The following FUBP1 variants were observed in gnomAD, a reference collection of about 807,000 sequenced individuals.
The protein encoded by FUBP1 is far upstream element binding protein 1, also known as far upstream element-binding protein 1.
A neutral mutation model predicts 94.9 loss-of-function variants in FUBP1; 16 were observed. That is an observed-to-expected ratio of 0.17 (90% CI 0.11 to 0.26). The LOEUF (loss-of-function observed/expected upper bound fraction) is 0.26. Ranked by LOEUF, FUBP1 falls within the 10% of genes least tolerant of loss-of-function variation. The pLI is 1.00. For missense variants in FUBP1, 583 were observed against 808.6 expected (o/e 0.72, Z 3.38); for synonymous variants, 279 against 254.9 (o/e 1.09, Z -0.90).
chr1:77,979,086 T>C, upstream of FUBP1: 20 of 1,203,708 alleles, frequency 1.7e-5, no homozygotes, highest in Non-Finnish European at 2.0e-5. Context: ...ATGGCGGCCG[T>C]CGAAGCTCTA....
At chr1:77,974,004 C>T (rs879595832) in intron 1 of FUBP1, among the ~76,000 whole-genome samples, 6 of 152,044 alleles carry the variant, frequency 3.9e-5, no homozygotes, top group Non-Finnish European at 8.8e-5. Flanking sequence ...CTCACTTATG[C>T]AACTACATAA....
intron 1 of FUBP1, among the ~76,000 whole-genome samples, chr1:77,973,447 T>C (rs1657976823): frequency 6.6e-6 from 1 of 152,030 alleles, no homozygotes; most frequent in Non-Finnish European, 1.5e-5. Context: ...GGTTTCACCT[T>C]GTTGGCCAGG....
chr1:77,964,774 A>G, intron 9 of FUBP1, 27 bp from the exon 10 acceptor site: 1 of 1,542,164 alleles, frequency 6.5e-7, no homozygotes. Context: ...TAGCTAATTT[A>G]GAAAGCATGT....
intron 18 of FUBP1, among the ~76,000 whole-genome samples, chr1:77,953,216 G>A (rs558580710): frequency 9.7e-4 from 148 of 151,922 alleles, no homozygotes; most frequent in Non-Finnish European, 1.7e-3. Context: ...GAGGCTGGGT[G>A]CAGTGGCTCA....
Position 77,969,990 on chromosome 1 carries a change from G to C in FUBP1, c.146C>G (p.Ala49Gly), listed in dbSNP as rs2102454908. The stretch of plus-strand genomic sequence containing the variant: ...GTCATTTGAATTCAGTGATGTCCCT[G>C]CATCACCTCCAATTTTTGCTGCAAT... ...RQIAAKIGGDAGTSLNSNDYG... is the reference protein window; with the variant it reads ...RQIAAKIGGDGGTSLNSNDYG... The change falls in exon 2 of 20, where the codon GCA becomes GGA. Residue 49 changes from alanine (A) to glycine (G), a missense_variant. Physicochemically the swap from Ala to Gly is moderately conservative, Grantham distance 60. Transcript: ENST00000370768. 6.3e-7 allele frequency: 1 copy of C among 1,579,996 alleles called. No individual in the cohort carries two copies. Among genetic ancestry groups the C allele is most frequent in the South Asian group, 1.1e-5 (1 of 87,154 alleles).
At chr1:77,969,734 T>A (rs528403216) in intron 2 of FUBP1, among the ~76,000 whole-genome samples, 191 bp downstream of exon 2, 13 of 152,240 alleles carry the variant, frequency 8.5e-5, no homozygotes, top group East Asian at 1.9e-4. Context: ...AAAAATTTTT[T>A]AAAAAATTTC....
intron 18 of FUBP1, among the ~76,000 whole-genome samples, chr1:77,953,827 C>T (rs1298993114): frequency 6.6e-6 from 1 of 152,030 alleles, no homozygotes; most frequent in African/African-American, 2.4e-5. Context: ...TATTAATGGC[C>T]ATATTACAAA....
rs530731965 is a variant in FUBP1, at chr1:77,975,287, G to C, written c.120+3598C>G. 2.6e-5 allele frequency among the ~76,000 whole-genome samples: 4 copies of C among 152,244 alleles called. No homozygotes were observed. In the East Asian group the frequency reaches 7.7e-4, roughly 29 times the overall value. ...AGTTCCCATACACCAGACATGTGAA[G>C]AAACGTGGACACTAGAAATATTACC... On this transcript the variant is annotated intron_variant, in intron 1 of 19. Coordinates refer to ENST00000370768, the MANE Select transcript of FUBP1 (RefSeq NM_003902.5).
chr1:77,951,522 G>A (rs1653463853), intron 18 of FUBP1, among the ~76,000 whole-genome samples: 2 of 152,060 alleles, frequency 1.3e-5, no homozygotes, highest in African/African-American at 2.4e-5. Context: ...CTTACCTTGC[G>A]CTCCCCTTAT....
chr1:77,966,670 ATTT>A, intron 7 of FUBP1, 21 bp downstream of exon 7: 1 of 1,226,260 alleles, frequency 8.2e-7, no homozygotes, highest in South Asian at 1.2e-5. Flanking sequence ...ACTTAAGTAG[ATTT>A]TTAAGATTTT....
chr1:77,978,259 G>A (rs959983288), intron 1 of FUBP1, among the ~76,000 whole-genome samples: 8 of 152,212 alleles, frequency 5.3e-5, no homozygotes, highest in Non-Finnish European at 1.2e-4. Context: ...TCTGAACTGA[G>A]AGGCAGATTC....
chr1:77,956,796 T>C, intron 16 of FUBP1, 96 bp from the exon 17 acceptor site: 3 of 752,490 alleles, frequency 4.0e-6, no homozygotes, highest in Admixed American at 2.6e-5. Flanking sequence ...CTGGCAAATA[T>C]ACAGCCCCCA....
chr1:77,955,078 A>G (rs1437947034), intron 18 of FUBP1, among the ~76,000 whole-genome samples, 177 bp downstream of exon 18: 5 of 152,206 alleles, frequency 3.3e-5, no homozygotes, highest in Non-Finnish European at 5.9e-5. Flanking sequence ...TGGTTGACAA[A>G]TGCAATTAGA....
At position 77,956,751 on chromosome 1, in the gene FUBP1, T is replaced by TCA. The variant is rs369403301; in HGVS notation, c.1577-53_1577-52dup. On this transcript the variant is annotated intron_variant, in intron 16 of 19. Transcript: ENST00000370768. ...TGCATGTGAAGTCTGTAATTCTCTCTCACACACACACACACCACCCCCCCG... is the reference window on the plus strand; with the variant it reads ...TGCATGTGAAGTCTGTAATTCTCTCTCACACACACACACACACCACCCCCCCG... The TCA allele has an allele frequency of 6.8e-4, 944 of 1,378,534 alleles. 2 individuals carry two copies. Among genetic ancestry groups the TCA allele is most frequent in the South Asian group, 1.3e-3 (103 of 78,650 alleles). The allele number at this position is 1,378,534 out of a possible 1,614,324, so 85.4% of individuals were successfully genotyped here. A position where few individuals can be genotyped will look rare whatever the true frequency, so the allele number is the denominator to read the frequency against.
chr1:77,970,417 T>G (rs904349903), intron 1 of FUBP1, among the ~76,000 whole-genome samples: 1 of 152,218 alleles, frequency 6.6e-6, no homozygotes, highest in Admixed American at 6.5e-5. Context: ...TAGCCATATG[T>G]GGTTATTGAG....
In FUBP1 at chr1:77,946,937, T is replaced by A. The variant is rs577580994; in HGVS notation, c.*1829A>T. On this transcript the variant is annotated 3_prime_UTR_variant, in exon 20 of 20. Transcript: ENST00000370768. The stretch of plus-strand genomic sequence containing the variant: ...AAATATCTACAATGAACTGTACTGC[T>A]ATTTCCATCCTGTAGGTAATCTCAA... The A allele has an allele frequency of 9.8e-6, 2 of 205,046 alleles. No homozygotes were observed. The highest frequency in any genetic ancestry group is 3.8e-4 in the South Asian group (2 of 5,314). The allele number at this position is 205,046 out of a possible 1,614,324, so 12.7% of individuals were successfully genotyped here. A position where few individuals can be genotyped will look rare whatever the true frequency, so the allele number is the denominator to read the frequency against.
chr1:77,979,152 T>G (rs1659360739), upstream of FUBP1: 2 of 777,930 alleles, frequency 2.6e-6, no homozygotes, highest in Admixed American at 5.9e-5. Flanking sequence ...AGGAACAAAA[T>G]CTCGCGATGT....
intron 16 of FUBP1, among the ~76,000 whole-genome samples, chr1:77,957,325 T>C (rs555552751): frequency 6.6e-6 from 1 of 152,332 alleles, no homozygotes; most frequent in South Asian, 2.1e-4. Context: ...CTGAAGCCCC[T>C]GGCTTATCCT....
chr1:77,965,112 C>A lies in FUBP1; in HGVS notation c.593G>T (p.Gly198Val), dbSNP rs2102403461. 1 of 1,612,844 alleles carries A rather than the reference C, an allele frequency of 6.2e-7. No homozygotes were observed. The highest frequency in any genetic ancestry group is 8.5e-7 in the Non-Finnish European group (1 of 1,178,894). ...QEIMIPASKA[G>V]LVIGKGGETI... ...TTCTCCCCCTTTTCCAATGACTAAT[C>A]CTGCCTTGCTAGCTGGAATCATGAT... Residue 198 changes from glycine (G) to valine (V), a missense_variant, in exon 8 of 20, where the codon GGA becomes GTA. Transcript: ENST00000370768.
Sources: allele counts gnomAD v4.1 joint callset (sites outside exome capture counted in the v4.1 genomes callset), GRCh38; gene constraint gnomAD v4.1.1; transcripts MANE v1.5; gene names NCBI Gene and HGNC (gene_info 2026-07-23, HGNC 2026-07-21).